Variants in FSHR observed in about 807,000 individuals in gnomAD.
FSHR encodes follicle-stimulating hormone receptor.
A neutral mutation model predicts 52.1 loss-of-function variants in FSHR; 46 were observed. The observed-to-expected ratio is 0.88, with a 90% CI of 0.70 to 1.13. The LOEUF (loss-of-function observed/expected upper bound fraction) is 1.13. FSHR is among the 50% of genes most tolerant of loss of function. The pLI, the probability that FSHR is intolerant of heterozygous loss-of-function variation, is 0.00. For missense variants in FSHR, 964 were observed against 834.6 expected (o/e 1.16, Z -1.91); for synonymous variants, 399 against 309.6 (o/e 1.29, Z -3.03).
Position 49,133,046 on chromosome 2 carries a change from C to T in FSHR, c.152+21220G>A, listed in dbSNP as rs532761178. On this transcript the variant is annotated intron_variant, in intron 1 of 9. Coordinates refer to ENST00000406846, the MANE Select transcript of FSHR (RefSeq NM_000145.4). Reference sequence around the variant, plus strand: ...GACCGCTTGCTCCCTCTCCTCTCATCTCAGAGCGGGTGGAGACCCCACTCC... The same window carrying T: ...GACCGCTTGCTCCCTCTCCTCTCATTTCAGAGCGGGTGGAGACCCCACTCC... 4.7e-5 allele frequency among the ~76,000 whole-genome samples: 7 copies of T among 149,512 alleles called. No homozygotes were observed. In the East Asian group the frequency reaches 1.4e-3, roughly 30 times the overall value.
intron 2 of FSHR, among the ~76,000 whole-genome samples, chr2:49,031,614 T>C (rs1354210625): frequency 6.6e-6 from 1 of 152,102 alleles, no homozygotes; most frequent in African/African-American, 2.4e-5. Context: ...GTTCCAGGGG[T>C]CTTCTTGCTG....
intron 1 of FSHR, among the ~76,000 whole-genome samples, chr2:49,076,799 T>G (rs2103643235): frequency 6.6e-6 from 1 of 152,266 alleles, no homozygotes; most frequent in Non-Finnish European, 1.5e-5. Flanking sequence ...AAAACAAATT[T>G]GGCCAATTTT....
At chr2:49,091,156 T>A (rs536447616) in intron 1 of FSHR, among the ~76,000 whole-genome samples, 1 of 152,234 alleles carries the variant, frequency 6.6e-6, no homozygotes, top group South Asian at 2.1e-4. Flanking sequence ...TGGATTGTGT[T>A]TTTGATGTCA....
intron 6 of FSHR, among the ~76,000 whole-genome samples, chr2:48,985,201 T>G (rs1675439900): frequency 6.6e-6 from 1 of 152,172 alleles, no homozygotes. Flanking sequence ...CTTAACCCTT[T>G]TGTGTCCTTG....
chr2:49,135,024 C>G (rs1225140668), intron 1 of FSHR, among the ~76,000 whole-genome samples: 1 of 152,060 alleles, frequency 6.6e-6, no homozygotes, highest in African/African-American at 2.4e-5. Context: ...ATGTAACTAA[C>G]CTGCACAATG....
chr2:48,977,734 C>T (rs1400256586), intron 8 of FSHR, among the ~76,000 whole-genome samples: 1 of 152,152 alleles, frequency 6.6e-6, no homozygotes, highest in African/African-American at 2.4e-5. Flanking sequence ...ATATTTCTTA[C>T]CCCTTGCCAG....
chr2:49,057,077 A>G (rs190954523), intron 2 of FSHR, among the ~76,000 whole-genome samples: 24 of 152,196 alleles, frequency 1.6e-4, no homozygotes, highest in African/African-American at 5.5e-4. Flanking sequence ...CCCAGCCTCA[A>G]ATAAACCAAT....
chr2:49,060,745 G>A (rs1669256465), intron 2 of FSHR, among the ~76,000 whole-genome samples: 1 of 152,116 alleles, frequency 6.6e-6, no homozygotes, highest in African/African-American at 2.4e-5. Flanking sequence ...CCTGGAGCCG[G>A]ACTAGTTCCC....
chr2:49,145,841 G>A (rs1423375892), intron 1 of FSHR, among the ~76,000 whole-genome samples: 2 of 152,022 alleles, frequency 1.3e-5, no homozygotes, highest in Non-Finnish European at 2.9e-5. Context: ...TGAAAAATGA[G>A]CATCTTTTCT....
chr2:49,149,800 G>T (rs772987669), intron 1 of FSHR, among the ~76,000 whole-genome samples: 1 of 151,978 alleles, frequency 6.6e-6, no homozygotes, highest in Non-Finnish European at 1.5e-5. Flanking sequence ...AAGAGGAAAA[G>T]ATAATTTGAT....
chr2:49,125,127 T>C (rs1671953141), intron 1 of FSHR, among the ~76,000 whole-genome samples: 1 of 152,206 alleles, frequency 6.6e-6, no homozygotes, highest in Non-Finnish European at 1.5e-5. Context: ...CTGATGGGCT[T>C]CCTGGACAGT....
intron 4 of FSHR, among the ~76,000 whole-genome samples, chr2:49,007,756 C>A (rs982097018): frequency 2.0e-5 from 3 of 152,230 alleles, no homozygotes; most frequent in African/African-American, 7.2e-5. Flanking sequence ...CCACCATCAT[C>A]ATGATCATCA....
chr2:49,032,103 T>C (rs1668120487), intron 2 of FSHR, among the ~76,000 whole-genome samples: 1 of 152,198 alleles, frequency 6.6e-6, no homozygotes, highest in Non-Finnish European at 1.5e-5. Context: ...CCCTCCCACC[T>C]GAGCAGTGGA....
chr2:49,141,345 G>A (rs1374729423), intron 1 of FSHR, among the ~76,000 whole-genome samples: 8 of 152,156 alleles, frequency 5.3e-5, no homozygotes, highest in Non-Finnish European at 1.5e-5. Context: ...TCTACAGGAA[G>A]TGTGTGGTGC....
chr2:49,027,918 G>A (rs921356612), intron 2 of FSHR, among the ~76,000 whole-genome samples: 1 of 151,988 alleles, frequency 6.6e-6, no homozygotes, highest in Non-Finnish European at 1.5e-5. Context: ...GTCAGATTAG[G>A]GTTGGAAGCT....
At chr2:49,058,171 A>T (rs1669137557) in intron 2 of FSHR, among the ~76,000 whole-genome samples, 1 of 152,212 alleles carries the variant, frequency 6.6e-6, no homozygotes, top group African/African-American at 2.4e-5. Context: ...AAACAAGAGC[A>T]ATTGGGCAAG....
chr2:49,149,085 A>G (rs975610120), intron 1 of FSHR, among the ~76,000 whole-genome samples: 1 of 152,036 alleles, frequency 6.6e-6, no homozygotes, highest in African/African-American at 2.4e-5. Context: ...TATTATTATT[A>G]GTAGCAGAAA....
At chr2:49,016,516 G>T (rs1667494326) in intron 4 of FSHR, among the ~76,000 whole-genome samples, 1 of 152,156 alleles carries the variant, frequency 6.6e-6, no homozygotes, top group Non-Finnish European at 1.5e-5. Context: ...AGAAATGAGT[G>T]CCTCTTAGAG....
At chr2:49,036,121 C>A (rs1457489214) in intron 2 of FSHR, among the ~76,000 whole-genome samples, 1 of 152,106 alleles carries the variant, frequency 6.6e-6, no homozygotes, top group Non-Finnish European at 1.5e-5. Flanking sequence ...ATTTTAGATT[C>A]TCTATTATGA....
Sources: gnomAD v4.1 joint callset for allele counts (sites outside exome capture counted in the v4.1 genomes callset) on GRCh38, gnomAD v4.1.1 for gene constraint, MANE v1.5 for transcripts, NCBI Gene and HGNC (gene_info 2026-07-23, HGNC 2026-07-21) for gene names.